DSE: variants seen among roughly 807,000 people sequenced by gnomAD.
DSE encodes dermatan sulfate epimerase, also known as dermatan-sulfate epimerase.
In DSE, 36 loss-of-function variants were observed where a neutral mutation model predicts 84.4. That is an observed-to-expected ratio of 0.43 (90% CI 0.33 to 0.56). The LOEUF is 0.56. Ranked by LOEUF, DSE falls within the 20% of genes least tolerant of loss-of-function variation. The pLI is 0.06. For missense variants in DSE, 862 were observed against 1,169.6 expected (o/e 0.74, Z 3.84); for synonymous variants, 410 against 430.1 (o/e 0.95, Z 0.58).
At chr6:116,374,945 T>C (rs1779829976) in intron 1 of DSE, among the ~76,000 whole-genome samples, 1 of 152,202 alleles carries the variant, frequency 6.6e-6, no homozygotes, top group African/African-American at 2.4e-5. Context: ...ATTCAAACCA[T>C]AGCAAATATG....
At chr6:116,328,238 A>G (rs982468646) in intron 2 of DSE, among the ~76,000 whole-genome samples, 6 of 152,222 alleles carry the variant, frequency 3.9e-5, no homozygotes, top group African/African-American at 1.4e-4. Flanking sequence ...CTGATTGTGA[A>G]AGGATTCAAT....
intron 1 of DSE, among the ~76,000 whole-genome samples, chr6:116,388,577 A>G (rs1446571618): frequency 1.3e-5 from 2 of 152,262 alleles, no homozygotes; most frequent in Non-Finnish European, 2.9e-5. Flanking sequence ...TACAGATTCA[A>G]GGAGTTACAT....
chr6:116,300,105 A>G (rs77260906), intron 2 of DSE, among the ~76,000 whole-genome samples: 2,156 of 152,318 alleles, frequency 0.014, 66 homozygotes, highest in African/African-American at 0.05. Context: ...GTAAGAGAAT[A>G]AAGAAAAGAC....
intron 2 of DSE, among the ~76,000 whole-genome samples, chr6:116,361,447 T>G (rs1036082616): frequency 2.6e-5 from 4 of 152,218 alleles, no homozygotes; most frequent in Non-Finnish European, 5.9e-5. Flanking sequence ...AATAATCAGA[T>G]TGTTTTCCAG....
intron 1 of DSE, among the ~76,000 whole-genome samples, chr6:116,373,057 T>TAA (rs35753373): frequency 0.18 from 26,471 of 145,346 alleles, 2,499 homozygotes; most frequent in Non-Finnish European, 0.22. Context: ...GAAGGGGAAT[T>TAA]AAAAAAAAAA....
chr6:116,425,686 G>C (rs1002575036), intron 2 of DSE, among the ~76,000 whole-genome samples: 2 of 146,762 alleles, frequency 1.4e-5, no homozygotes, highest in Admixed American at 1.4e-4. Flanking sequence ...GCAGTGGCGC[G>C]ATCTCGGCTC....
intron 2 of DSE, among the ~76,000 whole-genome samples, chr6:116,269,317 C>T (rs1772777597): frequency 6.6e-6 from 1 of 152,132 alleles, no homozygotes; most frequent in African/African-American, 2.4e-5. Flanking sequence ...AAGTGTTTTT[C>T]ACAATATGCT....
chr6:116,315,152 A>G (rs1775894030), intron 2 of DSE, among the ~76,000 whole-genome samples: 2 of 152,152 alleles, frequency 1.3e-5, no homozygotes, highest in South Asian at 2.1e-4. Context: ...CATCAGTACA[A>G]TGAAGGAATA....
At chr6:116,376,409 T>C (rs1779935021) in intron 1 of DSE, among the ~76,000 whole-genome samples, 1 of 152,192 alleles carries the variant, frequency 6.6e-6, no homozygotes, top group Admixed American at 6.5e-5. Flanking sequence ...CAGAAGAGTA[T>C]AAACCTGCTG....
chr6:116,344,565 T>C (rs1366943731), intron 2 of DSE, among the ~76,000 whole-genome samples: 1 of 11,782 alleles, frequency 8.5e-5, no homozygotes, highest in Admixed American at 9.8e-4. Context: ...AATAAAATCC[T>C]TTCAGACAAG....
At chr6:116,383,540 G>A (rs1447308415) in intron 1 of DSE, among the ~76,000 whole-genome samples, 1 of 152,200 alleles carries the variant, frequency 6.6e-6, no homozygotes, top group Non-Finnish European at 1.5e-5. Context: ...AAACATTCAT[G>A]AACTTGTGCA....
chr6:116,411,505 G>T (rs1238189131), intron 2 of DSE, among the ~76,000 whole-genome samples: 1 of 152,196 alleles, frequency 6.6e-6, no homozygotes, highest in African/African-American at 2.4e-5. Context: ...AAGAAAAAAG[G>T]TTCCTGATGA....
intron 5 of DSE, 78 bp downstream of exon 5, chr6:116,433,628 T>C: frequency 6.9e-7 from 1 of 1,441,148 alleles, no homozygotes; most frequent in Non-Finnish European, 9.4e-7. Flanking sequence ...TTTTTTTGCA[T>C]TTAAAAAGAA....
chr6:116,431,261 CT>C (rs1163400453), intron 4 of DSE, 68 bp downstream of exon 4: 9 of 1,563,506 alleles, frequency 5.8e-6, no homozygotes, highest in Non-Finnish European at 6.9e-6. Context: ...TGAAAATGAG[CT>C]AGACTAGGCA....
chr6:116,435,477 A>G (rs1784088022), intron 5 of DSE, 110 bp from the exon 6 acceptor site: 1 of 1,091,522 alleles, frequency 9.2e-7, no homozygotes, highest in African/African-American at 1.6e-5. Context: ...TATACTCTGC[A>G]CTGCCAGTGC....
chr6:116,304,070 C>G (rs907595077), intron 2 of DSE, among the ~76,000 whole-genome samples: 1 of 151,236 alleles, frequency 6.6e-6, no homozygotes, highest in Non-Finnish European at 1.5e-5. Context: ...CTGCAGTGAA[C>G]CGAGGTTGCA....
At chr6:116,278,508 G>C in intron 2 of DSE, 1 of 1,613,886 alleles carries the variant, frequency 6.2e-7, no homozygotes, top group Middle Eastern at 1.7e-4. Flanking sequence ...GTATTCCCAA[G>C]GGCAAATGTT....
At chr6:116,403,286 G>T (rs1781714037) in intron 2 of DSE, among the ~76,000 whole-genome samples, 1 of 151,950 alleles carries the variant, frequency 6.6e-6, no homozygotes, top group Non-Finnish European at 1.5e-5. Context: ...TTGAGCTTGT[G>T]CTGAACTTAG....
intron 2 of DSE, among the ~76,000 whole-genome samples, chr6:116,294,572 A>G (rs568703668): frequency 3.8e-4 from 58 of 152,276 alleles, no homozygotes; most frequent in Non-Finnish European, 7.5e-4. Flanking sequence ...AGCCATAAAT[A>G]TGGTTCTTAA....
Sources: allele counts gnomAD v4.1 joint callset (sites outside exome capture counted in the v4.1 genomes callset), GRCh38; gene constraint gnomAD v4.1.1; transcripts MANE v1.5; gene names NCBI Gene and HGNC (gene_info 2026-07-23, HGNC 2026-07-21).